Variants in DPYD observed in about 807,000 individuals in gnomAD.
DPYD encodes the protein dihydropyrimidine dehydrogenase, also known as dihydropyrimidine dehydrogenase [NADP(+)].
In DPYD, 109 loss-of-function variants were observed where a neutral mutation model predicts 116.2. The observed-to-expected ratio is 0.94, with a 90% CI of 0.80 to 1.10. The LOEUF (loss-of-function observed/expected upper bound fraction) is 1.10. Ranked by LOEUF, DPYD falls within the 50% of genes least tolerant of loss-of-function variation. The pLI, the probability that DPYD is intolerant of heterozygous loss-of-function variation, is 0.00. For missense variants in DPYD, 1,302 were observed against 1,254.5 expected, an observed-to-expected ratio of 1.04 and a Z score of -0.57; for synonymous variants, 440 against 432.0, an observed-to-expected ratio of 1.02 and a Z score of -0.23.
chr1:97,531,174 C>T (rs2102024183), intron 12 of DPYD, among the ~76,000 whole-genome samples: 1 of 152,222 alleles, frequency 6.6e-6, no homozygotes, highest in South Asian at 2.1e-4. Flanking sequence ...GGTGTCATAT[C>T]CATGAAATTA....
intron 11 of DPYD, among the ~76,000 whole-genome samples, chr1:97,563,245 T>C (rs1652291101): frequency 6.6e-6 from 1 of 152,232 alleles, no homozygotes; most frequent in Non-Finnish European, 1.5e-5. Flanking sequence ...TAGTTTAACA[T>C]TTCACCAGCA....
At chr1:97,613,899 G>C (rs1435900096) in intron 8 of DPYD, among the ~76,000 whole-genome samples, 1 of 151,946 alleles carries the variant, frequency 6.6e-6, no homozygotes, top group Non-Finnish European at 1.5e-5. Context: ...TATTATAACA[G>C]TCTTTGAATT....
chr1:97,623,785 A>T (rs1035760053), intron 8 of DPYD, among the ~76,000 whole-genome samples: 7 of 151,956 alleles, frequency 4.6e-5, no homozygotes, highest in Non-Finnish European at 8.8e-5. Flanking sequence ...AAAAATAGAC[A>T]CATCAACCAA....
intron 16 of DPYD, chr1:97,322,666 G>T (rs1270867118): frequency 6.6e-6 from 1 of 151,978 alleles, no homozygotes; most frequent in Non-Finnish European, 1.5e-5. Context: ...CATAAGGGGT[G>T]TGTCTGTGTA....
chr1:97,293,103 T>A (rs528391010), intron 18 of DPYD, among the ~76,000 whole-genome samples: 1 of 152,166 alleles, frequency 6.6e-6, no homozygotes, highest in Non-Finnish European at 1.5e-5. Context: ...AGCACAGAGG[T>A]TAATAGGAAT....
At chr1:97,494,871 A>G (rs1679177022) in intron 13 of DPYD, among the ~76,000 whole-genome samples, 1 of 152,166 alleles carries the variant, frequency 6.6e-6, no homozygotes, top group Non-Finnish European at 1.5e-5. Context: ...TATTCTCAAA[A>G]GTCAAAATAC....
chr1:97,259,038 T>C (rs1184024582), intron 18 of DPYD, among the ~76,000 whole-genome samples: 2 of 152,094 alleles, frequency 1.3e-5, no homozygotes, highest in Non-Finnish European at 2.9e-5. Context: ...TTTTAAAGTA[T>C]TTAGAGGATA....
At position 97,909,380 on chromosome 1, in the gene DPYD, C is replaced by T. The variant is rs550150923; in HGVS notation, c.39+11504G>A. On this transcript the variant is annotated intron_variant, in intron 1 of 22. Transcript: ENST00000370192. ...CTATGTCTTTCAACTCTAGTTTCCC[C>T]ACTGCAACTCTTCCCTTAATATATG... 2.6e-5 allele frequency among the ~76,000 whole-genome samples: 4 copies of T among 152,168 alleles called. No homozygotes were observed. The East Asian group carries it at 5.8e-4, about 22-fold the overall frequency.
intron 15 of DPYD, among the ~76,000 whole-genome samples, chr1:97,381,511 T>C (rs1264922179): frequency 6.6e-6 from 1 of 152,146 alleles, no homozygotes; most frequent in Non-Finnish European, 1.5e-5. Flanking sequence ...GCATGGAAGA[T>C]CACGAGGCCA....
chr1:97,646,029 C>A (rs1658239709), intron 8 of DPYD, among the ~76,000 whole-genome samples: 1 of 152,070 alleles, frequency 6.6e-6, no homozygotes, highest in Non-Finnish European at 1.5e-5. Flanking sequence ...ATGACTTGAT[C>A]ATTTTCCCTA....
chr1:97,742,624 T>C (rs1176427844), intron 3 of DPYD, among the ~76,000 whole-genome samples: 3 of 152,108 alleles, frequency 2.0e-5, no homozygotes, highest in Non-Finnish European at 4.4e-5. Context: ...GCAGCATACA[T>C]TGCAAACAAT....
chr1:97,783,687 C>G (rs1030965516), intron 3 of DPYD, among the ~76,000 whole-genome samples: 5 of 152,296 alleles, frequency 3.3e-5, no homozygotes, highest in African/African-American at 1.2e-4. Context: ...CCACCACACC[C>G]AGCCTTGTTA....
intron 14 of DPYD, among the ~76,000 whole-genome samples, chr1:97,412,264 T>G (rs1351374080): frequency 6.6e-6 from 1 of 152,204 alleles, no homozygotes; most frequent in African/African-American, 2.4e-5. Context: ...GATAATACAC[T>G]GAAGGCTTGA....
chr1:97,518,873 T>C (rs1367673123), intron 12 of DPYD, among the ~76,000 whole-genome samples: 1 of 152,034 alleles, frequency 6.6e-6, no homozygotes, highest in Non-Finnish European at 1.5e-5. Context: ...AAAGTAAAAC[T>C]GTGAGTTAAT....
intron 7 of DPYD, among the ~76,000 whole-genome samples, chr1:97,690,777 C>G (rs1384731124): frequency 6.6e-6 from 1 of 151,982 alleles, no homozygotes; most frequent in Non-Finnish European, 1.5e-5. Flanking sequence ...CAAATCTATA[C>G]TATGTGTTTT....
At chr1:97,398,179 G>A (rs892146853) in intron 14 of DPYD, among the ~76,000 whole-genome samples, 4 of 152,072 alleles carry the variant, frequency 2.6e-5, no homozygotes, top group African/African-American at 7.2e-5. Context: ...TCCCACCTAT[G>A]AGTGAGAACA....
chr1:97,167,185 A>G (rs1205340933), intron 20 of DPYD, among the ~76,000 whole-genome samples: 1 of 152,152 alleles, frequency 6.6e-6, no homozygotes, highest in Non-Finnish European at 1.5e-5. Flanking sequence ...ACATTTTTCA[A>G]AAGTTTTAGT....
intron 14 of DPYD, among the ~76,000 whole-genome samples, chr1:97,399,751 T>C (rs1673249312): frequency 6.6e-6 from 1 of 152,068 alleles, no homozygotes; most frequent in African/African-American, 2.4e-5. Context: ...TCTCTGTTTG[T>C]CTGTTATTGG....
chr1:97,153,392 T>A (rs970905539), intron 20 of DPYD, among the ~76,000 whole-genome samples: 6 of 152,008 alleles, frequency 3.9e-5, no homozygotes, highest in Admixed American at 2.0e-4. Context: ...AGGACAGTAT[T>A]AAAAACGTGT....
Sources: allele counts gnomAD v4.1 joint callset (sites outside exome capture counted in the v4.1 genomes callset), GRCh38; gene constraint gnomAD v4.1.1; transcripts MANE v1.5; gene names NCBI Gene and HGNC (gene_info 2026-07-23, HGNC 2026-07-21).